The following TENM3 variants were observed in gnomAD, a reference collection of about 807,000 sequenced individuals.
TENM3 encodes the protein teneurin-3.
In TENM3, 63 loss-of-function variants were observed where a neutral mutation model predicts 255.1. The ratio of observed to expected loss-of-function variants is 0.25; its 90% CI spans 0.20 to 0.30. The LOEUF (loss-of-function observed/expected upper bound fraction) is 0.30, where lower values mean the gene tolerates loss of function less well. Ranked by LOEUF, TENM3 falls within the 10% of genes least tolerant of loss-of-function variation. TENM3 has a pLI of 1.00. For synonymous variants in TENM3, 1,306 were observed against 1,322.3 expected, an observed-to-expected ratio of 0.99 and a Z score of 0.27; for missense variants, 2,929 against 3,461.1, an observed-to-expected ratio of 0.85 and a Z score of 3.86.
chr4:181,663,909 T>G, the TENM3 span, among the ~76,000 whole-genome samples: 1 of 152,230 alleles, frequency 6.6e-6, no homozygotes, highest in Non-Finnish European at 1.5e-5. Flanking sequence ...TTGCAGATGA[T>G]TCCAGTGTTT....
chr4:181,757,260 T>G, the TENM3 span, among the ~76,000 whole-genome samples: 3 of 152,164 alleles, frequency 2.0e-5, no homozygotes, highest in Admixed American at 6.5e-5. Flanking sequence ...CTTCCAATAT[T>G]GTAATAGCGT....
the TENM3 span, among the ~76,000 whole-genome samples, chr4:181,913,216 A>G: frequency 6.6e-6 from 1 of 152,332 alleles, no homozygotes; most frequent in African/African-American, 2.4e-5. Context: ...AAGCCGAGAC[A>G]GGAAGGAGAT....
chr4:182,786,637 C>T (rs1210312870), intron 24 of TENM3, among the ~76,000 whole-genome samples: 1 of 151,974 alleles, frequency 6.6e-6, no homozygotes, highest in Non-Finnish European at 1.5e-5. Flanking sequence ...CACGTCATAT[C>T]CACTCTGTGG....
At chr4:181,500,383 G>T in the TENM3 span, among the ~76,000 whole-genome samples, 131 of 151,912 alleles carry the variant, frequency 8.6e-4, no homozygotes, top group Middle Eastern at 3.4e-3. Context: ...AGCCCTGACC[G>T]GGGGATCGGG....
the TENM3 span, among the ~76,000 whole-genome samples, chr4:181,516,783 A>G: frequency 0.15 from 22,258 of 152,156 alleles, 1,664 homozygotes; most frequent in East Asian, 0.18. Flanking sequence ...TCTCCAAAAA[A>G]AAAAAAGTCA....
chr4:182,704,822 CTT>C lies in TENM3; in HGVS notation c.2222-9246_2222-9245del, dbSNP rs201275276. ...GTGTGCACACATGCATACACACAAA[CTT>C]TTTTTTTTTTTTTTTTTTGCTGACA... On this transcript the variant is annotated intron_variant, in intron 12 of 27. Transcript: ENST00000511685. Among the ~76,000 whole-genome samples the C allele has an allele frequency of 4.9e-3, 613 of 124,080 alleles. 2 individuals carry two copies. The highest frequency in any genetic ancestry group is 0.02 in the Middle Eastern group (5 of 246). 81.4% of individuals were successfully genotyped at this position (124,080 alleles called of 152,430 possible). A position where few individuals can be genotyped will look rare whatever the true frequency, so the allele number is the denominator to read the frequency against.
chr4:182,432,692 T>C (rs1406031722), intron 3 of TENM3, among the ~76,000 whole-genome samples: 1 of 152,224 alleles, frequency 6.6e-6, no homozygotes, highest in East Asian at 1.9e-4. Flanking sequence ...AGAAATGTCC[T>C]GGCCAAAGTG....
At position 182,465,662 on chromosome 4, in the gene TENM3, GTCT is replaced by G. The variant is rs1366561626; in HGVS notation, c.511+118736_511+118738del. Among the ~76,000 whole-genome samples the G allele has an allele frequency of 3.3e-5, 5 of 152,106 alleles. No individual in the cohort carries two copies. In the East Asian group the frequency reaches 5.8e-4, roughly 18 times the overall value. On this transcript the variant is annotated intron_variant, in intron 3 of 27. Transcript: ENST00000511685. ...TTTATAAAAAAAGTATACTGCTAGA[GTCT>G]TCAATTCAATTTAATAAGTATTTAC...
chr4:182,236,267 C>T (rs1028173914), intron 1 of TENM3, among the ~76,000 whole-genome samples: 2 of 152,160 alleles, frequency 1.3e-5, no homozygotes, highest in African/African-American at 4.8e-5. Context: ...CATATTTCTG[C>T]AGTTAATACT....
intron 3 of TENM3, among the ~76,000 whole-genome samples, chr4:182,552,855 G>A (rs1259532892): frequency 6.6e-6 from 1 of 152,156 alleles, no homozygotes; most frequent in Non-Finnish European, 1.5e-5. Flanking sequence ...GTTACATAAA[G>A]TATTTTTTGT....
At chr4:181,635,660 G>A in the TENM3 span, among the ~76,000 whole-genome samples, 1 of 152,284 alleles carries the variant, frequency 6.6e-6, no homozygotes, top group South Asian at 2.1e-4. Context: ...GAGTGGAGAG[G>A]AACAGATAGG....
the TENM3 span, among the ~76,000 whole-genome samples, chr4:181,639,218 A>T: frequency 2.0e-3 from 309 of 152,340 alleles, no homozygotes; most frequent in South Asian, 0.012. Context: ...GCAAAAATGT[A>T]ACCAGGCATA....
the TENM3 span, among the ~76,000 whole-genome samples, chr4:181,554,208 TAG>T: frequency 6.6e-6 from 1 of 152,168 alleles, no homozygotes. Flanking sequence ...ATTACTAGAA[TAG>T]AGTGAAATCC....
intron 12 of TENM3, among the ~76,000 whole-genome samples, chr4:182,696,592 G>A (rs1050003884): frequency 1.3e-5 from 2 of 152,024 alleles, no homozygotes; most frequent in Non-Finnish European, 2.9e-5. Context: ...GGATGTGGTG[G>A]TGCACGCCTG....
intron 1 of TENM3, among the ~76,000 whole-genome samples, chr4:182,168,935 T>C (rs1382774984): frequency 1.3e-5 from 2 of 152,154 alleles, no homozygotes; most frequent in Non-Finnish European, 2.9e-5. Flanking sequence ...ATTTGCCCAA[T>C]TTTTTAGAAT....
intron 5 of TENM3, among the ~76,000 whole-genome samples, chr4:182,630,420 G>T (rs993126545): frequency 6.6e-6 from 1 of 152,160 alleles, no homozygotes; most frequent in Non-Finnish European, 1.5e-5. Context: ...TGCTGCTAAA[G>T]AATTTTAAAT....
chr4:181,669,518 T>C, the TENM3 span, among the ~76,000 whole-genome samples: 1 of 152,274 alleles, frequency 6.6e-6, no homozygotes, highest in African/African-American at 2.4e-5. Context: ...TTACTAGATA[T>C]AATGGAGAAG....
the TENM3 span, among the ~76,000 whole-genome samples, chr4:182,100,650 C>T: frequency 1.1e-4 from 4 of 35,580 alleles, 1 homozygote; most frequent in African/African-American, 2.4e-4. Context: ...TATATATACA[C>T]ATATATACAC....
At chr4:182,554,615 C>G (rs10213049) in intron 3 of TENM3, among the ~76,000 whole-genome samples, 151,670 of 152,310 alleles carry the variant, frequency 1, 75,524 homozygotes, top group Middle Eastern at 1. Context: ...TTGAGGCTTT[C>G]TTATCATTAA....
Sources: gnomAD v4.1 joint callset for allele counts (sites outside exome capture counted in the v4.1 genomes callset) on GRCh38, gnomAD v4.1.1 for gene constraint, MANE v1.5 for transcripts, NCBI Gene and HGNC (gene_info 2026-07-23, HGNC 2026-07-21) for gene names.